Variants in SCAMP5 observed in about 807,000 individuals in gnomAD.
SCAMP5 encodes the protein secretory carrier membrane protein 5.
A neutral mutation model predicts 28.3 loss-of-function variants in SCAMP5; 7 were observed. The ratio of observed to expected loss-of-function variants is 0.25; its 90% CI spans 0.14 to 0.46. SCAMP5 has a LOEUF of 0.46. SCAMP5 is among the 20% of genes least tolerant of loss of function. SCAMP5 has a pLI of 0.99. For missense variants in SCAMP5, 192 were observed against 312.5 expected (o/e 0.61, Z 2.91); for synonymous variants, 117 against 116.4 (o/e 1.00, Z -0.03).
At chr15:75,009,836 G>A (rs2141442333) in intron 1 of SCAMP5, 2 of 152,228 alleles carry the variant, frequency 1.3e-5, no homozygotes, top group East Asian at 3.9e-4. Flanking sequence ...GATTGCACAA[G>A]TTGTAACTGT....
chr15:75,003,364 G>A (rs1419320138), intron 1 of SCAMP5, among the ~76,000 whole-genome samples: 1 of 152,124 alleles, frequency 6.6e-6, no homozygotes, highest in Non-Finnish European at 1.5e-5. Context: ...TATCCATTCA[G>A]TTCCTTTGTT....
At position 75,018,740 on chromosome 15, in the gene SCAMP5, G is replaced by C. The variant is rs773036642; in HGVS notation, c.514-49G>C. ...TGGGTCCCATCTATTTCCTGGATGGGCTGCCTTTTCTCTTTGATTAACCCT... is the reference window on the plus strand; with the variant it reads ...TGGGTCCCATCTATTTCCTGGATGGCCTGCCTTTTCTCTTTGATTAACCCT... On this transcript the variant is annotated intron_variant, in intron 6 of 6. Transcript: ENST00000425597. This position sits in a 1 kb window ranked among gnomAD's most constrained non-coding sequence, Gnocchi z 5.6. 7.1e-7 allele frequency: 1 copy of C among 1,409,732 alleles called. No individual in the cohort carries two copies. The highest frequency in any genetic ancestry group is 1.2e-5 in the South Asian group (1 of 84,412). 87.3% of individuals were successfully genotyped at this position (1,409,732 alleles called of 1,614,324 possible).
rs776742121 is a variant in SCAMP5, at chr15:75,018,509, G to A, written c.487G>A (p.Val163Ile). 50 of 1,611,950 alleles carry A rather than the reference G, an allele frequency of 3.1e-5. No individual in the cohort carries two copies. The highest frequency in any genetic ancestry group is 2.9e-4 in the East Asian group (13 of 44,878). Residue 163 changes from valine (V) to isoleucine (I), a missense_variant, in exon 6 of 7, where the codon GTC becomes ATC. Physicochemically the swap from Val to Ile is conservative, Grantham distance 29 (BLOSUM62 3). Coordinates refer to ENST00000425597, the MANE Select transcript of SCAMP5 (RefSeq NM_138967.4). The surrounding 1 kb of genome is among the most constrained non-coding windows in gnomAD (Gnocchi z 5.6). ...CACTGTCATGTTCACAGTGATGGCC[G>A]TCTTTTCCTTCATCGCCCTCAGCAT... is the stretch of plus-strand genomic sequence containing the variant. ...IPTVMFTVMA[V>I]FSFIALSMVH... is the part of the protein sequence containing the mutation.
chr15:75,005,369 A>C (rs901894957), intron 1 of SCAMP5, among the ~76,000 whole-genome samples: 15 of 151,888 alleles, frequency 9.9e-5, no homozygotes, highest in Non-Finnish European at 1.9e-4. Context: ...CTGAGGCAGG[A>C]GAATCGCTTG....
rs962733871 is a variant in SCAMP5, at chr15:74,996,282, G to C, written c.-49+609G>C. On this transcript the variant is annotated intron_variant, in intron 1 of 6. Coordinates refer to ENST00000425597, the MANE Select transcript of SCAMP5 (RefSeq NM_138967.4). This position sits in a 1 kb window ranked among gnomAD's most constrained non-coding sequence, Gnocchi z 4.1. ...GTGGTGAGTTGGGGGCGCCGGATTTGGCTCATTTCAACGCTGGCCGGAGGT... is the reference window on the plus strand; with the variant it reads ...GTGGTGAGTTGGGGGCGCCGGATTTCGCTCATTTCAACGCTGGCCGGAGGT... The C allele has an allele frequency of 4.4e-4, 67 of 152,484 alleles. No homozygotes were observed. The highest frequency in any genetic ancestry group is 1.6e-3 in the African/African-American group (67 of 41,474). 9.4% of individuals were successfully genotyped at this position (152,484 alleles called of 1,614,324 possible).
At chr15:75,017,415 CATCT>C (rs2065868439) in intron 4 of SCAMP5, among the ~76,000 whole-genome samples, 1 of 152,158 alleles carries the variant, frequency 6.6e-6, no homozygotes, top group Admixed American at 6.5e-5. Context: ...TCAGGCCATC[CATCT>C]AAGTGCCAAT....
intron 1 of SCAMP5, among the ~76,000 whole-genome samples, chr15:75,006,596 G>A (rs908928331): frequency 6.6e-6 from 1 of 152,060 alleles, no homozygotes; most frequent in African/African-American, 2.4e-5. Context: ...GACTATCCTG[G>A]CTAACACGGT....
chr15:74,998,885 C>T (rs2065676805), intron 1 of SCAMP5, among the ~76,000 whole-genome samples: 1 of 152,184 alleles, frequency 6.6e-6, no homozygotes, highest in African/African-American at 2.4e-5. Flanking sequence ...TGTAAGCAGA[C>T]TTTTGGGAGA....
intron 3 of SCAMP5, among the ~76,000 whole-genome samples, chr15:75,016,344 C>T (rs2065859332): frequency 6.6e-6 from 1 of 152,082 alleles, no homozygotes; most frequent in South Asian, 2.1e-4. Flanking sequence ...GTCTTTACTC[C>T]TCTGCGTGTG....
At chr15:75,017,542 T>C in intron 4 of SCAMP5, 1 of 532,828 alleles carries the variant, frequency 1.9e-6, no homozygotes, top group South Asian at 2.7e-5. Context: ...TGTCTTGGTG[T>C]CATTGTCCAT....
At chr15:75,013,947 G>A (rs1330794826) in intron 3 of SCAMP5, among the ~76,000 whole-genome samples, 3 of 152,026 alleles carry the variant, frequency 2.0e-5, no homozygotes, top group Non-Finnish European at 4.4e-5. Context: ...CAGGGGGTGG[G>A]AAAGGTGTCT....
At chr15:75,010,319 C>T (rs534442965) in intron 1 of SCAMP5, among the ~76,000 whole-genome samples, 1 of 152,314 alleles carries the variant, frequency 6.6e-6, no homozygotes, top group African/African-American at 2.4e-5. Flanking sequence ...TCATCTCACA[C>T]AGGCTTGTCA....
intron 3 of SCAMP5, among the ~76,000 whole-genome samples, chr15:75,015,281 T>C (rs924608667): frequency 1.4e-4 from 22 of 152,260 alleles, no homozygotes; most frequent in African/African-American, 5.3e-4. Flanking sequence ...TTTGTGGACT[T>C]AGCTTTGTTT....
rs761112195 is a variant in SCAMP5, at chr15:75,012,824, G to T, written c.136+19G>T. ...TGGATGTGTGAGTGCCATGGGATGG[G>T]GGTGGGCCAGGGTGGCTGGAGGAGG... On this transcript the variant is annotated intron_variant, in intron 3 of 6. Transcript: ENST00000425597. 6.2e-7 allele frequency: 1 copy of T among 1,613,706 alleles called. No homozygotes were observed. Among genetic ancestry groups the T allele is most frequent in the East Asian group, 2.2e-5 (1 of 44,882 alleles).
Position 74,996,106 on chromosome 15 carries a change from T to G in SCAMP5, c.-49+433T>G, listed in dbSNP as rs1056739439. The G allele has an allele frequency of 1.3e-5, 2 of 152,392 alleles. No individual in the cohort carries two copies. The highest frequency in any genetic ancestry group is 2.9e-5 in the Non-Finnish European group (2 of 68,176). 9.4% of individuals were successfully genotyped at this position (152,392 alleles called of 1,614,324 possible). A position where few individuals can be genotyped will look rare whatever the true frequency, so the allele number is the denominator to read the frequency against. On this transcript the variant is annotated intron_variant, in intron 1 of 6. Transcript: ENST00000425597. This position sits in a 1 kb window ranked among gnomAD's most constrained non-coding sequence, Gnocchi z 4.1. Reference sequence around the variant, plus strand: ...CCCGTGGCTTCCTTTGGGCCTTTCCTTCCAACTAGCGCCTGCAGGTGGACC... The same window carrying G: ...CCCGTGGCTTCCTTTGGGCCTTTCCGTCCAACTAGCGCCTGCAGGTGGACC...
chr15:75,014,050 G>A (rs2065838121), intron 3 of SCAMP5, among the ~76,000 whole-genome samples: 1 of 152,028 alleles, frequency 6.6e-6, no homozygotes, highest in African/African-American at 2.4e-5. Flanking sequence ...CCTGTGCTGG[G>A]TGTGAGCCCC....
chr15:75,003,772 T>C (rs2065731062), intron 1 of SCAMP5, among the ~76,000 whole-genome samples: 2 of 152,198 alleles, frequency 1.3e-5, no homozygotes, highest in Non-Finnish European at 2.9e-5. Context: ...ATTGCACCGC[T>C]GCACTCCAGC....
At chr15:75,000,635 C>T (rs1188958925) in intron 1 of SCAMP5, among the ~76,000 whole-genome samples, 4 of 150,810 alleles carry the variant, frequency 2.7e-5, no homozygotes, top group Non-Finnish European at 4.4e-5. Flanking sequence ...CCGCCCACCT[C>T]GGCCTCCCAG....
rs562003044 is a variant in SCAMP5 at position 75,021,252 on chromosome 15, G to A, written c.*2269G>A. On this transcript the variant is annotated 3_prime_UTR_variant, in exon 7 of 7. Coordinates refer to ENST00000425597, the MANE Select transcript of SCAMP5 (RefSeq NM_138967.4). ...ATGCACTTTCCCGGGGAGAGAACCA[G>A]TATGAGAAGTGGGGGCAGGGCACAC... 1 of 152,386 alleles carries A rather than the reference G, an allele frequency of 6.6e-6. No homozygotes were observed. The highest frequency in any genetic ancestry group is 1.5e-5 in the Non-Finnish European group (1 of 68,200). The allele number at this position is 152,386 out of a possible 1,614,324, so 9.4% of individuals were successfully genotyped here. A position where few individuals can be genotyped will look rare whatever the true frequency, so the allele number is the denominator to read the frequency against.
Sources: gnomAD v4.1 joint callset for allele counts (sites outside exome capture counted in the v4.1 genomes callset) on GRCh38, gnomAD v4.1.1 for gene constraint, Gnocchi (gnomAD v3.1) non-coding constraint, MANE v1.5 for transcripts, NCBI Gene and HGNC (gene_info 2026-07-23, HGNC 2026-07-21) for gene names.